The following ASAP2 variants were observed in gnomAD, a reference collection of about 807,000 sequenced individuals.
ASAP2 encodes arf-GAP with SH3 domain, ANK repeat and PH domain-containing protein 2.
In ASAP2, 45 loss-of-function variants were observed where a neutral mutation model predicts 131.4. The observed-to-expected ratio is 0.34, with a 90% CI of 0.27 to 0.44. The LOEUF (loss-of-function observed/expected upper bound fraction) is 0.44. Among genes scored for constraint, ASAP2 ranks in the 20% least tolerant of loss-of-function variants. The pLI is 1.00. For synonymous variants in ASAP2, 510 were observed against 503.0 expected (o/e 1.01, Z -0.19); for missense variants, 1,011 against 1,297.0 (o/e 0.78, Z 3.39).
chr2:9,344,894 G>C, intron 11 of ASAP2, 94 bp downstream of exon 11: 3 of 1,045,970 alleles, frequency 2.9e-6, no homozygotes, highest in South Asian at 2.8e-5. Context: ...GTTGTTCTCC[G>C]TGTGTGATGG....
intron 1 of ASAP2, among the ~76,000 whole-genome samples, chr2:9,277,849 C>A (rs1024675014): frequency 2.6e-5 from 4 of 152,204 alleles, no homozygotes; most frequent in Admixed American, 2.0e-4. Context: ...GCCTTGTGAT[C>A]ATTTTTCCAT....
At chr2:9,387,241 AG>A (rs1675357053) in intron 21 of ASAP2, among the ~76,000 whole-genome samples, 1 of 146,490 alleles carries the variant, frequency 6.8e-6, no homozygotes, top group African/African-American at 2.7e-5. Context: ...TATAACCTTC[AG>A]GGGGGAGCAG....
chr2:9,329,289 C>A (rs1670679787), intron 7 of ASAP2, among the ~76,000 whole-genome samples: 1 of 152,154 alleles, frequency 6.6e-6, no homozygotes, highest in East Asian at 1.9e-4. Context: ...TAGATTTTAT[C>A]CCAAATATGT....
At chr2:9,290,525 G>C (rs1259777618) in intron 2 of ASAP2, among the ~76,000 whole-genome samples, 1 of 152,176 alleles carries the variant, frequency 6.6e-6, no homozygotes, top group Admixed American at 6.5e-5. Flanking sequence ...TTCTTAATAG[G>C]CACAGGCACA....
intron 2 of ASAP2, among the ~76,000 whole-genome samples, chr2:9,282,148 T>C (rs1667167393): frequency 6.6e-6 from 1 of 152,234 alleles, no homozygotes; most frequent in Non-Finnish European, 1.5e-5. Flanking sequence ...CTTGGGCTCA[T>C]GTCCTTTTTG....
intron 9 of ASAP2, among the ~76,000 whole-genome samples, chr2:9,340,159 A>G (rs1034387778): frequency 1.3e-5 from 2 of 152,160 alleles, no homozygotes; most frequent in African/African-American, 4.8e-5. Context: ...ATTAGCTGGG[A>G]TTACAGGTAC....
intron 24 of ASAP2, among the ~76,000 whole-genome samples, chr2:9,397,740 AT>A (rs1676261404): frequency 1.1e-5 from 1 of 87,668 alleles, no homozygotes; most frequent in Non-Finnish European, 2.0e-5. Flanking sequence ...ATATATATAT[AT>A]ATATATATAT....
At chr2:9,266,088 A>G (rs1471347433) in intron 1 of ASAP2, among the ~76,000 whole-genome samples, 1 of 151,470 alleles carries the variant, frequency 6.6e-6, no homozygotes, top group African/African-American at 2.4e-5. Flanking sequence ...CCCAGCCCAT[A>G]AGCTTGTAAT....
At chr2:9,248,848 G>A (rs962151374) in intron 1 of ASAP2, among the ~76,000 whole-genome samples, 3 of 152,116 alleles carry the variant, frequency 2.0e-5, no homozygotes, top group Non-Finnish European at 4.4e-5. Flanking sequence ...TCCTGATGTC[G>A]ACTCTGATGT....
At chr2:9,320,262 C>T in intron 4 of ASAP2, 26 bp from the exon 5 acceptor site, 3 of 1,584,132 alleles carry the variant, frequency 1.9e-6, no homozygotes, top group Non-Finnish European at 2.6e-6. Flanking sequence ...ATTAGTCTTG[C>T]CTAATTTATT....
At chr2:9,317,353 ACAAT>A (rs376684276) in intron 3 of ASAP2, among the ~76,000 whole-genome samples, 50 of 145,588 alleles carry the variant, frequency 3.4e-4, no homozygotes, top group Admixed American at 8.2e-4. Flanking sequence ...ACACCCTCAC[ACAAT>A]CATTCACATT....
At chr2:9,221,514 T>TA (rs1662420033) in intron 1 of ASAP2, among the ~76,000 whole-genome samples, 1 of 152,134 alleles carries the variant, frequency 6.6e-6, no homozygotes, top group East Asian at 1.9e-4. Context: ...GTACAAATCT[T>TA]ACACTTCTTC....
At chr2:9,258,335 G>GTTT (rs34528995) in intron 1 of ASAP2, among the ~76,000 whole-genome samples, 6 of 90,582 alleles carry the variant, frequency 6.6e-5, no homozygotes, top group East Asian at 5.3e-4. Context: ...ATCAGTAGTT[G>GTTT]TTTTTTTTTT....
chr2:9,324,130 C>G (rs1475685443), intron 6 of ASAP2, among the ~76,000 whole-genome samples: 2 of 152,230 alleles, frequency 1.3e-5, no homozygotes. Context: ...TTGGCCAGCT[C>G]TTAATTCCCT....
At chr2:9,239,162 G>A (rs1458067184) in intron 1 of ASAP2, among the ~76,000 whole-genome samples, 1 of 152,188 alleles carries the variant, frequency 6.6e-6, no homozygotes, top group Non-Finnish European at 1.5e-5. Context: ...CGCACTGACT[G>A]AGATGACCAT....
At chr2:9,351,802 A>G (rs1029936736) in intron 12 of ASAP2, among the ~76,000 whole-genome samples, 5 of 152,150 alleles carry the variant, frequency 3.3e-5, no homozygotes, top group Admixed American at 2.6e-4. Flanking sequence ...CTCACCCACA[A>G]TGGCTTGCTC....
At chr2:9,338,431 A>C (rs762744101) in intron 9 of ASAP2, among the ~76,000 whole-genome samples, 11 of 152,018 alleles carry the variant, frequency 7.2e-5, no homozygotes, top group Non-Finnish European at 1.6e-4. Flanking sequence ...TGTGCCACCC[A>C]GGCAGCCAAG....
intron 7 of ASAP2, among the ~76,000 whole-genome samples, chr2:9,330,046 G>A (rs1335747686): frequency 6.6e-6 from 1 of 152,184 alleles, no homozygotes; most frequent in African/African-American, 2.4e-5. Context: ...TATATCTACA[G>A]TGTGTGGCAC....
rs370556434 is a variant in ASAP2 at position 9,352,770 on chromosome 2, C to T, written c.1111+1875C>T. 1.2e-3 allele frequency among the ~76,000 whole-genome samples: 190 copies of T among 152,336 alleles called. 3 individuals carry two copies. Among genetic ancestry groups the T allele is most frequent in the African/African-American group, 4.4e-3 (183 of 41,570 alleles). ...CAAGATCCTGCCAGTGTCTTTGCTG[C>T]AGCCTGATGCATTGAAACATCTTCA... On this transcript the variant is annotated intron_variant, in intron 12 of 27. Transcript: ENST00000281419.
Sources: gnomAD v4.1 joint callset for allele counts (sites outside exome capture counted in the v4.1 genomes callset) on GRCh38, gnomAD v4.1.1 for gene constraint, MANE v1.5 for transcripts, NCBI Gene and HGNC (gene_info 2026-07-23, HGNC 2026-07-21) for gene names.